ZNF362: variants seen among roughly 807,000 people sequenced by gnomAD.
ZNF362 encodes the protein rotund homolog.
ZNF362 carries 11 observed loss-of-function variants against 42.9 expected under a neutral mutation model. The observed-to-expected ratio is 0.26, with a 90% CI of 0.16 to 0.42. ZNF362 has a LOEUF of 0.42. Ranked by LOEUF, ZNF362 falls within the 20% of genes least tolerant of loss-of-function variation. The pLI is 1.00. For synonymous variants in ZNF362, 255 were observed against 257.3 expected, an observed-to-expected ratio of 0.99 and a Z score of 0.09; for missense variants, 362 against 576.2, an observed-to-expected ratio of 0.63 and a Z score of 3.81.
chr1:33,216,613 AAAAAAAGAAACAGG>A, the ZNF362 span, among the ~76,000 whole-genome samples: 1 of 150,924 alleles, frequency 6.6e-6, no homozygotes, highest in Non-Finnish European at 1.5e-5. Flanking sequence ...AAAAAAAAAA[AAAAAAAGAAACAGG>A]AAAAAAAAAA....
At chr1:33,250,890 A>AAGAAGAAGAAGAAGAAGAAGG in the ZNF362 span, among the ~76,000 whole-genome samples, 10 of 150,956 alleles carry the variant, frequency 6.6e-5, no homozygotes, top group Non-Finnish European at 1.3e-4. Flanking sequence ...GAAGAAGAAG[A>AAGAAGAAGAAGAAGAAGAAGG]AGAAGGAGAA....
the ZNF362 span, among the ~76,000 whole-genome samples, chr1:33,237,294 T>C: frequency 1.3e-5 from 2 of 152,234 alleles, no homozygotes; most frequent in Non-Finnish European, 2.9e-5. Context: ...CACAGTTTAA[T>C]AGATGTCAGG....
chr1:33,205,392 G>A, the ZNF362 span, among the ~76,000 whole-genome samples: 1 of 151,994 alleles, frequency 6.6e-6, no homozygotes, highest in African/African-American at 2.4e-5. Context: ...AGCTGAGGTG[G>A]GAGGATCACG....
chr1:33,146,152 C>G, the ZNF362 span: 1 of 258,634 alleles, frequency 3.9e-6, no homozygotes, highest in Non-Finnish European at 7.7e-6. Flanking sequence ...GAGTCTGCTT[C>G]TCCAGCTCTT....
intron 1 of ZNF362, among the ~76,000 whole-genome samples, chr1:33,265,463 AC>A (rs1645859064): frequency 1.3e-5 from 2 of 151,946 alleles, no homozygotes; most frequent in African/African-American, 4.8e-5. Context: ...GGCTGCGGAA[AC>A]CCGGTCTAAT....
chr1:33,294,024 T>C lies in ZNF362; in HGVS notation c.909-913T>C, dbSNP rs1044862283. ...CTACCTTCTACATGTGATTTACTTA[T>C]TTCACGCTTGTTGCTTATTTCCTCC... On this transcript the variant is annotated intron_variant, in intron 6 of 8. Coordinates refer to ENST00000539719, the MANE Select transcript of ZNF362 (RefSeq NM_152493.3). This position sits in a 1 kb window ranked among gnomAD's most constrained non-coding sequence, Gnocchi z 4.2. 6.6e-6 allele frequency among the ~76,000 whole-genome samples: 1 copy of C among 152,252 alleles called. No homozygotes were observed. Among genetic ancestry groups the C allele is most frequent in the South Asian group, 2.1e-4 (1 of 4,830 alleles).
chr1:33,271,624 G>A (rs1006636188), intron 2 of ZNF362, among the ~76,000 whole-genome samples: 11 of 152,352 alleles, frequency 7.2e-5, no homozygotes, highest in Non-Finnish European at 1.5e-4. Flanking sequence ...GAGTGGGTGG[G>A]CTTGAGAGAG....
chr1:33,153,066 G>C, the ZNF362 span, among the ~76,000 whole-genome samples: 1 of 152,012 alleles, frequency 6.6e-6, no homozygotes, highest in Non-Finnish European at 1.5e-5. Flanking sequence ...GAGGGTGGAA[G>C]TGCCAGAGCA....
chr1:33,261,169 A>G (rs886258979), intron 1 of ZNF362: 3 of 152,042 alleles, frequency 2.0e-5, no homozygotes, highest in African/African-American at 7.2e-5. Context: ...GGGAAGCCCA[A>G]CCTCACTTGA....
intron 1 of ZNF362, among the ~76,000 whole-genome samples, chr1:33,257,591 G>A (rs893958873): frequency 2.0e-5 from 3 of 151,954 alleles, no homozygotes; most frequent in African/African-American, 7.3e-5. Context: ...GGTTGAGGAT[G>A]GGAGTTTTGG....
the ZNF362 span, among the ~76,000 whole-genome samples, chr1:33,212,877 GCATGCAAAGA>G: frequency 6.6e-6 from 1 of 152,148 alleles, no homozygotes; most frequent in East Asian, 1.9e-4. Flanking sequence ...AAGCGTACGT[GCATGCAAAGA>G]TTTGTACACA....
chr1:33,151,860 C>T, the ZNF362 span, among the ~76,000 whole-genome samples: 10 of 152,326 alleles, frequency 6.6e-5, no homozygotes, highest in East Asian at 1.5e-3. Context: ...AAAGCCCTCC[C>T]GGGGCACAGC....
the ZNF362 span, among the ~76,000 whole-genome samples, chr1:33,223,351 A>G: frequency 3.0e-4 from 45 of 152,322 alleles, no homozygotes; most frequent in African/African-American, 9.6e-4. Context: ...ACCTTCTGCC[A>G]TGATTGTGAG....
chr1:33,181,453 G>A, the ZNF362 span: 3 of 1,574,438 alleles, frequency 1.9e-6, no homozygotes, highest in South Asian at 2.3e-5. This position sits in a 1 kb window ranked among gnomAD's most constrained non-coding sequence, Gnocchi z 6.5. Context: ...GCAGCAGAGA[G>A]GGGGGCCCGA....
At chr1:33,149,243 C>T in the ZNF362 span, among the ~76,000 whole-genome samples, 2 of 152,354 alleles carry the variant, frequency 1.3e-5, no homozygotes, top group African/African-American at 2.4e-5. Context: ...ACCTCCACCT[C>T]CCAGGTTCAA....
the ZNF362 span, among the ~76,000 whole-genome samples, chr1:33,241,654 G>A: frequency 6.6e-6 from 1 of 152,108 alleles, no homozygotes; most frequent in Non-Finnish European, 1.5e-5. Context: ...AAATCATAAA[G>A]GAATGAGTAT....
At position 33,281,575 on chromosome 1, in the gene ZNF362, C is replaced by T; in HGVS notation, c.684-12C>T. On this transcript the variant is annotated splice_polypyrimidine_tract_variant and intron_variant, in intron 5 of 8. Transcript: ENST00000539719. This position sits in a 1 kb window ranked among gnomAD's most constrained non-coding sequence, Gnocchi z 4.8. ...GGGATCTTCCCACGTGAACCTGTCT[C>T]TTGCTCCGCAGGTGTAAGGTATGCC... 6.2e-7 allele frequency: 1 copy of T among 1,613,994 alleles called. No individual in the cohort carries two copies. The highest frequency in any genetic ancestry group is 8.5e-7 in the Non-Finnish European group (1 of 1,179,870).
At chr1:33,284,715 T>C (rs1243786414) in intron 6 of ZNF362, among the ~76,000 whole-genome samples, 2 of 152,010 alleles carry the variant, frequency 1.3e-5, no homozygotes, top group Admixed American at 1.3e-4. Context: ...GCCTCCTAAA[T>C]TGAGGATTAG....
At chr1:33,127,854 C>T in the ZNF362 span, among the ~76,000 whole-genome samples, 3 of 152,100 alleles carry the variant, frequency 2.0e-5, no homozygotes, top group Non-Finnish European at 4.4e-5. Flanking sequence ...AGGCCCTGCT[C>T]TCGCCTTCAC....
Sources: allele counts gnomAD v4.1 joint callset (sites outside exome capture counted in the v4.1 genomes callset), GRCh38; gene constraint gnomAD v4.1.1; non-coding constraint Gnocchi (gnomAD v3.1); transcripts MANE v1.5; gene names NCBI Gene and HGNC (gene_info 2026-07-23, HGNC 2026-07-21).